SH3KBP1: variants seen among roughly 807,000 people sequenced by gnomAD.
SH3KBP1 encodes the protein SH3 domain containing kinase binding protein 1, also known as SH3 domain-containing kinase-binding protein 1.
Under a neutral mutation model 50.1 loss-of-function variants are expected in SH3KBP1, and 8 were observed. The ratio of observed to expected loss-of-function variants is 0.16; its 90% CI spans 0.09 to 0.29. The LOEUF is 0.29. Ranked by LOEUF, SH3KBP1 falls within the 10% of genes least tolerant of loss-of-function variation. The pLI, the probability that SH3KBP1 is intolerant of heterozygous loss-of-function variation, is 1.00. For synonymous variants in SH3KBP1, 227 were observed against 218.6 expected (o/e 1.04, Z -0.34); for missense variants, 377 against 535.2 (o/e 0.70, Z 2.92).
At chrX:19,868,219 G>A (rs982615088) in intron 1 of SH3KBP1, among the ~76,000 whole-genome samples, 3 of 111,691 alleles carry the variant, frequency 2.7e-5, no homozygotes, top group East Asian at 2.8e-4. Flanking sequence ...ATCTTAATAC[G>A]CACCTTGTCA....
intron 2 of SH3KBP1, among the ~76,000 whole-genome samples, chrX:19,790,425 C>T (rs1322431686): frequency 9.0e-6 from 1 of 111,463 alleles, no homozygotes; most frequent in Admixed American, 9.5e-5. Flanking sequence ...CAGGAGAGAG[C>T]CCTCCTTTAC....
intron 3 of SH3KBP1, among the ~76,000 whole-genome samples, chrX:19,739,435 TGAA>T (rs759160150): frequency 1.8e-5 from 2 of 111,650 alleles, no homozygotes; most frequent in African/African-American, 3.3e-5. Context: ...CAACAAAAAG[TGAA>T]GAAGAAGTAG....
intron 1 of SH3KBP1, among the ~76,000 whole-genome samples, chrX:19,886,366 T>C (rs757847628): frequency 1.8e-5 from 2 of 112,011 alleles, no homozygotes; most frequent in South Asian, 7.4e-4. Flanking sequence ...CCAAAAATAA[T>C]CTGCCAGAGG....
intron 2 of SH3KBP1, among the ~76,000 whole-genome samples, chrX:19,825,723 TATC>T (rs2067651959): frequency 9.6e-6 from 1 of 104,554 alleles, no homozygotes; most frequent in Non-Finnish European, 2.0e-5. Flanking sequence ...AAAATACAAA[TATC>T]AGCCAGGCGT....
intron 2 of SH3KBP1, among the ~76,000 whole-genome samples, chrX:19,825,763 A>G (rs1055838514): frequency 9.0e-6 from 1 of 111,249 alleles, no homozygotes; most frequent in East Asian, 2.8e-4. Context: ...AATCCCAGCT[A>G]CTCCAGAGGC....
chrX:19,710,636 C>T (rs184346510), intron 3 of SH3KBP1, among the ~76,000 whole-genome samples: 43 of 111,235 alleles, frequency 3.9e-4, no homozygotes, highest in African/African-American at 1.3e-3. Flanking sequence ...TAATCTCTTC[C>T]TGCGCTTAAT....
chrX:19,869,838 A>G (rs986445321), intron 1 of SH3KBP1, among the ~76,000 whole-genome samples: 6 of 112,577 alleles, frequency 5.3e-5, no homozygotes, highest in African/African-American at 1.9e-4. Context: ...TCTTGAGAAC[A>G]TATACTGGCA....
In SH3KBP1 at chrX:19,569,111, T is replaced by C. The variant is rs1163382919; in HGVS notation, c.1376A>G (p.Asn459Ser). The change falls in exon 13 of 18, where the codon AAT becomes AGT. Residue 459 changes from asparagine (N) to serine (S), a missense_variant. Transcript: ENST00000397821. ...ILDKDLSDRS[N>S]DIDLEGFDSV... is the part of the protein sequence containing the mutation. ...ACACTGTCCTTACTCACCAATGTCATTGCTGCGGTCCGAGAGATCTTTGTC... is the reference window on the plus strand; with the variant it reads ...ACACTGTCCTTACTCACCAATGTCACTGCTGCGGTCCGAGAGATCTTTGTC... 4 of 1,208,255 alleles carry C rather than the reference T, an allele frequency of 3.3e-6. No individual in the cohort carries two copies. The African/African-American group carries it at 5.2e-5, about 16-fold the overall frequency.
At chrX:19,670,272 T>TA (rs1252059347) in intron 6 of SH3KBP1, 10 of 609,569 alleles carry the variant, frequency 1.6e-5, no homozygotes, top group Non-Finnish European at 5.9e-6. Flanking sequence ...TACCCCATCA[T>TA]AAAAAAAGCA....
chrX:19,739,859 G>A (rs1296738276), intron 3 of SH3KBP1, among the ~76,000 whole-genome samples: 1 of 110,168 alleles, frequency 9.1e-6, no homozygotes, highest in Non-Finnish European at 1.9e-5. Flanking sequence ...ACCAGGTGGA[G>A]CCACCACCAC....
At chrX:19,647,052 C>T (rs1179328479) in intron 6 of SH3KBP1, among the ~76,000 whole-genome samples, 2 of 112,313 alleles carry the variant, frequency 1.8e-5, no homozygotes, top group East Asian at 5.6e-4. Context: ...AAAATAGCAG[C>T]TCTCAAAGTG....
chrX:19,577,989 T>G (rs1026411431), intron 12 of SH3KBP1, among the ~76,000 whole-genome samples: 4 of 110,598 alleles, frequency 3.6e-5, no homozygotes, highest in Admixed American at 9.6e-5. Flanking sequence ...GGAAAAGAAA[T>G]AGAAACGCCC....
chrX:19,851,894 T>G (rs1415032634), intron 1 of SH3KBP1, among the ~76,000 whole-genome samples: 2 of 111,471 alleles, frequency 1.8e-5, no homozygotes, highest in Non-Finnish European at 3.8e-5. Flanking sequence ...CTGTATCATT[T>G]AACTGTAACG....
intron 3 of SH3KBP1, among the ~76,000 whole-genome samples, chrX:19,731,962 C>T (rs777996620): frequency 1.8e-5 from 2 of 112,014 alleles, no homozygotes; most frequent in African/African-American, 6.5e-5. Context: ...TCATTAAGAT[C>T]AGATGACTAA....
At chrX:19,559,105 T>C (rs1602467250) in intron 13 of SH3KBP1, among the ~76,000 whole-genome samples, 1 of 104,408 alleles carries the variant, frequency 9.6e-6, no homozygotes, top group Non-Finnish European at 2.0e-5. Flanking sequence ...CCGTCTCTAC[T>C]AAAAATACAA....
intron 2 of SH3KBP1, among the ~76,000 whole-genome samples, chrX:19,769,973 G>A (rs992324926): frequency 9.0e-6 from 1 of 111,167 alleles, no homozygotes; most frequent in African/African-American, 3.3e-5. Flanking sequence ...TCTCACTCTC[G>A]GATTCATGGA....
At chrX:19,626,673 C>A (rs753942047) in intron 8 of SH3KBP1, among the ~76,000 whole-genome samples, 1 of 110,714 alleles carries the variant, frequency 9.0e-6, no homozygotes, top group Non-Finnish European at 1.9e-5. Context: ...GCTCAGGCAA[C>A]CCTCCCGCCT....
intron 2 of SH3KBP1, among the ~76,000 whole-genome samples, chrX:19,774,654 A>AAAAGAAAGAAAGAAAGAAAGAAAGAAAG (rs3999801): frequency 3.9e-5 from 3 of 77,279 alleles, no homozygotes; most frequent in Non-Finnish European, 4.9e-5. Flanking sequence ...GTCTCAAAAA[A>AAAAGAAAGAAAGAAAGAAAGAAAGAAAG]AAAGAAAGAA....
intron 6 of SH3KBP1, among the ~76,000 whole-genome samples, chrX:19,653,261 C>G (rs2148441081): frequency 9.0e-6 from 1 of 111,726 alleles, no homozygotes; most frequent in Non-Finnish European, 1.9e-5. Flanking sequence ...GCCGGGATTA[C>G]AGGCATGAGC....
Sources: gnomAD v4.1 joint callset for allele counts (sites outside exome capture counted in the v4.1 genomes callset) on GRCh38, gnomAD v4.1.1 for gene constraint, MANE v1.5 for transcripts, NCBI Gene and HGNC (gene_info 2026-07-23, HGNC 2026-07-21) for gene names.